The following CNTN5 variants were observed in gnomAD, a reference collection of about 807,000 sequenced individuals.
The protein encoded by CNTN5 is contactin 5, also known as contactin-5.
CNTN5 carries 77 observed loss-of-function variants against 129.1 expected under a neutral mutation model. The ratio of observed to expected loss-of-function variants is 0.60; its 90% CI spans 0.50 to 0.72. The LOEUF (loss-of-function observed/expected upper bound fraction) is 0.72. Among genes scored for constraint, CNTN5 ranks in the 30% least tolerant of loss-of-function variants. The pLI is 0.00. For synonymous variants in CNTN5, 509 were observed against 465.6 expected (o/e 1.09, Z -1.20); for missense variants, 1,478 against 1,328.8 (o/e 1.11, Z -1.75).
chr11:99,202,473 T>C (rs1859258424), intron 1 of CNTN5, among the ~76,000 whole-genome samples: 1 of 152,190 alleles, frequency 6.6e-6, no homozygotes, highest in Admixed American at 6.5e-5. Flanking sequence ...TTTTGGATTC[T>C]TTGCTACCAG....
At chr11:99,832,495 A>G (rs185976521) in intron 4 of CNTN5, among the ~76,000 whole-genome samples, 35 of 152,326 alleles carry the variant, frequency 2.3e-4, no homozygotes, top group Non-Finnish European at 3.1e-4. Context: ...ACATTCATCA[A>G]TATGCTTGTT....
At chr11:99,284,074 C>A (rs188352142) in intron 1 of CNTN5, among the ~76,000 whole-genome samples, 1 of 152,102 alleles carries the variant, frequency 6.6e-6, no homozygotes, top group African/African-American at 2.4e-5. Flanking sequence ...TGACTCTATA[C>A]ACATTCCAAG....
At chr11:99,909,585 G>A (rs1437223300) in intron 6 of CNTN5, among the ~76,000 whole-genome samples, 6 of 152,064 alleles carry the variant, frequency 3.9e-5, no homozygotes, top group African/African-American at 7.2e-5. Flanking sequence ...ATGATAGACT[G>A]GATTAAGAAA....
chr11:99,898,029 G>C (rs1285998087), intron 6 of CNTN5, among the ~76,000 whole-genome samples: 1 of 152,064 alleles, frequency 6.6e-6, no homozygotes, highest in Non-Finnish European at 1.5e-5. Context: ...AAAGTTTAAT[G>C]AAAATAGCAA....
chr11:99,591,985 A>G (rs1219940787), intron 3 of CNTN5, among the ~76,000 whole-genome samples: 1 of 152,246 alleles, frequency 6.6e-6, no homozygotes, highest in Non-Finnish European at 1.5e-5. Flanking sequence ...AAACAAGGGC[A>G]ATTCCTAAGT....
At chr11:99,799,214 C>T (rs1352288477) in intron 3 of CNTN5, among the ~76,000 whole-genome samples, 3 of 151,650 alleles carry the variant, frequency 2.0e-5, no homozygotes, top group Admixed American at 6.6e-5. Context: ...GTCACTTCAC[C>T]TTTTTCTATT....
At chr11:99,951,320 A>T (rs573926896) in intron 7 of CNTN5, among the ~76,000 whole-genome samples, 1 of 152,026 alleles carries the variant, frequency 6.6e-6, no homozygotes, top group Non-Finnish European at 1.5e-5. Context: ...TCTTATGCTA[A>T]TTTTTTCCCA....
chr11:99,248,171 G>A (rs1298651264), intron 1 of CNTN5, among the ~76,000 whole-genome samples: 1 of 152,084 alleles, frequency 6.6e-6, no homozygotes, highest in South Asian at 2.1e-4. Flanking sequence ...GTGTGAGATG[G>A]TATCTCATTG....
At chr11:99,451,459 C>T (rs769170614) in intron 2 of CNTN5, among the ~76,000 whole-genome samples, 1 of 151,984 alleles carries the variant, frequency 6.6e-6, no homozygotes, top group Non-Finnish European at 1.5e-5. Flanking sequence ...TTTCAAAATT[C>T]CTTTTAAGTG....
chr11:100,134,427 CG>C (rs1435068088), intron 13 of CNTN5, among the ~76,000 whole-genome samples: 5 of 152,030 alleles, frequency 3.3e-5, no homozygotes, highest in Non-Finnish European at 7.4e-5. Context: ...AATTATGACA[CG>C]GGTGGTAGGA....
chr11:99,262,406 AG>A lies in CNTN5; in HGVS notation c.-209-62939del, dbSNP rs1406385897. 4.6e-5 allele frequency among the ~76,000 whole-genome samples: 7 copies of A among 152,098 alleles called. No homozygotes were observed. The East Asian group carries it at 1.3e-3, about 29-fold the overall frequency. ...TTATTATGATAGTAATCATAATGAT[AG>A]CTACTATTATTGATTGAGCATCTTC... On this transcript the variant is annotated intron_variant, in intron 1 of 24. Coordinates refer to ENST00000524871, the MANE Select transcript of CNTN5 (RefSeq NM_014361.4).
At chr11:99,897,753 AC>A (rs534028955) in intron 6 of CNTN5, among the ~76,000 whole-genome samples, 135 of 152,294 alleles carry the variant, frequency 8.9e-4, no homozygotes, top group African/African-American at 3.2e-3. Context: ...CTCCAAAACA[AC>A]TAGCTAACAA....
intron 6 of CNTN5, among the ~76,000 whole-genome samples, chr11:99,905,646 A>G (rs1949481501): frequency 6.6e-6 from 1 of 152,040 alleles, no homozygotes; most frequent in Non-Finnish European, 1.5e-5. Context: ...TCCATATGAA[A>G]TTTAAAGTAA....
intron 23 of CNTN5, among the ~76,000 whole-genome samples, chr11:100,350,139 T>C (rs1274333093): frequency 1.3e-5 from 2 of 151,892 alleles, no homozygotes; most frequent in Non-Finnish European, 2.9e-5. Context: ...CACTTTCAAC[T>C]GTTTCCTACA....
At chr11:99,068,465 C>G (rs1865195166) in intron 1 of CNTN5, among the ~76,000 whole-genome samples, 1 of 152,128 alleles carries the variant, frequency 6.6e-6, no homozygotes, top group African/African-American at 2.4e-5. Context: ...GCATCTAAAA[C>G]AGCAGCTTGT....
At chr11:99,855,637 G>A (rs10750408) in intron 6 of CNTN5, among the ~76,000 whole-genome samples, 146,990 of 152,182 alleles carry the variant, frequency 0.97, 71,118 homozygotes, top group Non-Finnish European at 1. Context: ...AACAGAGTCT[G>A]ATTAGTGAAA....
intron 1 of CNTN5, among the ~76,000 whole-genome samples, chr11:99,128,771 C>G (rs1185038631): frequency 6.6e-6 from 1 of 152,110 alleles, no homozygotes; most frequent in Non-Finnish European, 1.5e-5. Context: ...GAGGTAGGAG[C>G]AGGCAGCAAT....
At chr11:99,812,859 G>A (rs190043668) in intron 3 of CNTN5, among the ~76,000 whole-genome samples, 7 of 152,196 alleles carry the variant, frequency 4.6e-5, no homozygotes, top group African/African-American at 1.7e-4. Context: ...AATACAAGAT[G>A]TTGGCAAGTT....
intron 7 of CNTN5, among the ~76,000 whole-genome samples, chr11:99,940,233 C>T (rs1481975524): frequency 1.3e-5 from 2 of 152,044 alleles, no homozygotes; most frequent in Non-Finnish European, 2.9e-5. Context: ...TGATCTAGAT[C>T]ATATGGAGGT....
Sources: allele counts gnomAD v4.1 joint callset (sites outside exome capture counted in the v4.1 genomes callset), GRCh38; gene constraint gnomAD v4.1.1; transcripts MANE v1.5; gene names NCBI Gene and HGNC (gene_info 2026-07-23, HGNC 2026-07-21).